The following OTUD7A variants were observed in gnomAD, a reference collection of about 807,000 sequenced individuals.
The protein encoded by OTUD7A is OTU deubiquitinase 7A.
OTUD7A carries 12 observed loss-of-function variants against 65.7 expected under a neutral mutation model. That is an observed-to-expected ratio of 0.18 (90% CI 0.12 to 0.30). The LOEUF (loss-of-function observed/expected upper bound fraction) is 0.30, where lower values mean the gene tolerates loss of function less well. OTUD7A is among the 10% of genes least tolerant of loss of function. The pLI is 1.00. For synonymous variants in OTUD7A, 641 were observed against 586.3 expected (o/e 1.09, Z -1.35); for missense variants, 1,148 against 1,304.8 (o/e 0.88, Z 1.85).
chr15:31,861,198 T>A (rs1897732588), intron 1 of OTUD7A, among the ~76,000 whole-genome samples: 1 of 152,080 alleles, frequency 6.6e-6, no homozygotes, highest in Non-Finnish European at 1.5e-5. Context: ...TCATTTCACA[T>A]GTTCAGTTAA....
At position 31,870,530 on chromosome 15, in the gene OTUD7A, C is replaced by A; in HGVS notation, c.-123G>T. The A allele has an allele frequency of 6.7e-6, 1 of 148,614 alleles. No individual in the cohort carries two copies. The highest frequency in any genetic ancestry group is 1.9e-4 in the South Asian group (1 of 5,366). 9.2% of individuals were successfully genotyped at this position (148,614 alleles called of 1,614,324 possible). Reference sequence around the variant, plus strand: ...ACCTGCCGCGCCGCGCCGCTCCGCTCCGCCAGCCCGCAGCGCCGCAGTCGC... The same window carrying A: ...ACCTGCCGCGCCGCGCCGCTCCGCTACGCCAGCCCGCAGCGCCGCAGTCGC... On this transcript the variant is annotated 5_prime_UTR_variant, in exon 1 of 13. Transcript: ENST00000307050.
chr15:31,663,670 T>TA (rs1892236591), intron 1 of OTUD7A, among the ~76,000 whole-genome samples: 1 of 152,170 alleles, frequency 6.6e-6, no homozygotes, highest in Non-Finnish European at 1.5e-5. Context: ...ACATTTTCTT[T>TA]AAAAAATTTT....
chr15:31,633,733 C>A (rs1360788557), intron 3 of OTUD7A, among the ~76,000 whole-genome samples: 1 of 152,148 alleles, frequency 6.6e-6, no homozygotes, highest in South Asian at 2.1e-4. Flanking sequence ...TCTAACCCAA[C>A]GAATTACAAC....
intron 3 of OTUD7A, among the ~76,000 whole-genome samples, chr15:31,610,615 A>T (rs866966459): frequency 0.072 from 2,327 of 32,450 alleles, 81 homozygotes; most frequent in African/African-American, 0.2. Context: ...ATATATATAT[A>T]TATTTTTTTT....
intron 1 of OTUD7A, among the ~76,000 whole-genome samples, chr15:31,791,549 C>T (rs775554853): frequency 9.2e-5 from 14 of 152,088 alleles, no homozygotes; most frequent in Admixed American, 2.6e-4. Flanking sequence ...ACTAAAGGGA[C>T]GCATGCGACA....
chr15:31,735,755 G>A (rs1263438038), intron 1 of OTUD7A, among the ~76,000 whole-genome samples: 1 of 152,112 alleles, frequency 6.6e-6, no homozygotes, highest in Non-Finnish European at 1.5e-5. Context: ...AAAGGCACAT[G>A]CACCTATATG....
intron 1 of OTUD7A, among the ~76,000 whole-genome samples, chr15:31,817,513 C>G (rs959722607): frequency 2.0e-5 from 3 of 152,150 alleles, no homozygotes; most frequent in Non-Finnish European, 4.4e-5. Flanking sequence ...GAATAAGTAT[C>G]TCTCCTTTGG....
intron 1 of OTUD7A, among the ~76,000 whole-genome samples, chr15:31,817,656 G>T (rs1464699300): frequency 8.5e-5 from 13 of 152,136 alleles, no homozygotes; most frequent in Non-Finnish European, 1.5e-5. Context: ...TGGGTTTTTG[G>T]TAAGTCCTGC....
intron 1 of OTUD7A, among the ~76,000 whole-genome samples, chr15:31,778,049 G>A (rs1470055611): frequency 2.0e-5 from 3 of 152,142 alleles, no homozygotes; most frequent in Admixed American, 2.0e-4. Context: ...GGTATCATCA[G>A]TCTCCAGAAG....
intron 1 of OTUD7A, among the ~76,000 whole-genome samples, chr15:31,717,561 G>A (rs1157683962): frequency 6.6e-6 from 1 of 152,160 alleles, no homozygotes; most frequent in African/African-American, 2.4e-5. Flanking sequence ...CCCTACAAAG[G>A]ACATGAACTC....
chr15:31,807,307 G>C (rs1178641477), intron 1 of OTUD7A, among the ~76,000 whole-genome samples: 2 of 152,114 alleles, frequency 1.3e-5, no homozygotes, highest in African/African-American at 2.4e-5. Context: ...CATCTCCCAA[G>C]AGACAGAGTC....
At chr15:31,724,459 G>A (rs1893828877) in intron 1 of OTUD7A, among the ~76,000 whole-genome samples, 1 of 152,200 alleles carries the variant, frequency 6.6e-6, no homozygotes, top group Non-Finnish European at 1.5e-5. Context: ...ATGACCAAGT[G>A]TTACTACACA....
chr15:31,759,486 T>C (rs1894902470), intron 1 of OTUD7A, among the ~76,000 whole-genome samples: 1 of 152,234 alleles, frequency 6.6e-6, no homozygotes, highest in Non-Finnish European at 1.5e-5. Flanking sequence ...GTCCTGCTTC[T>C]TTAACTGCCT....
At chr15:31,772,399 C>G (rs1895265405) in intron 1 of OTUD7A, among the ~76,000 whole-genome samples, 1 of 151,970 alleles carries the variant, frequency 6.6e-6, no homozygotes, top group Non-Finnish European at 1.5e-5. Context: ...TAATCCCTGA[C>G]AGATAGTTGG....
intron 3 of OTUD7A, among the ~76,000 whole-genome samples, chr15:31,643,425 A>G (rs1481953956): frequency 2.6e-5 from 4 of 152,108 alleles, no homozygotes; most frequent in Middle Eastern, 3.2e-3. Context: ...CCACTGAGTT[A>G]CTTTTTCATC....
chr15:31,737,223 A>T (rs1256468116), intron 1 of OTUD7A, among the ~76,000 whole-genome samples: 3 of 152,236 alleles, frequency 2.0e-5, no homozygotes, highest in East Asian at 3.8e-4. Context: ...AGACATTAAT[A>T]TACTTAGAAA....
At chr15:31,737,105 A>C (rs1894213380) in intron 1 of OTUD7A, among the ~76,000 whole-genome samples, 1 of 152,232 alleles carries the variant, frequency 6.6e-6, no homozygotes. Flanking sequence ...TACAGATGGC[A>C]TGAAGACCTT....
At chr15:31,768,740 G>A (rs950157920) in intron 1 of OTUD7A, among the ~76,000 whole-genome samples, 7 of 152,254 alleles carry the variant, frequency 4.6e-5, no homozygotes, top group Non-Finnish European at 7.4e-5. Context: ...CATAAAGGGG[G>A]TGAAGTAAAG....
In OTUD7A at chr15:31,559,158, C is replaced by T; in HGVS notation, c.361G>A (p.Ala121Thr). 3.1e-6 allele frequency: 5 copies of T among 1,613,760 alleles called. No individual in the cohort carries two copies. Among genetic ancestry groups the T allele is most frequent in the South Asian group, 1.1e-5 (1 of 91,056 alleles). The part of the protein sequence containing the change: ...EKRLSRGISH[A>T]SSAIVSLARS... ...GCCAGGGAGACGATGGCTGAGCTGGCGTGGGAAATCCCCCGGGAAAGCCGC... is the reference window on the plus strand; with the variant it reads ...GCCAGGGAGACGATGGCTGAGCTGGTGTGGGAAATCCCCCGGGAAAGCCGC... Residue 121 changes from alanine (A) to threonine (T), a missense_variant, in exon 5 of 13, where the codon GCC (alanine) becomes ACC (threonine). By Grantham distance (58) the Ala-to-Thr change is moderately conservative. Transcript: ENST00000307050.
Sources: allele counts gnomAD v4.1 joint callset (sites outside exome capture counted in the v4.1 genomes callset), GRCh38; gene constraint gnomAD v4.1.1; transcripts MANE v1.5; gene names NCBI Gene and HGNC (gene_info 2026-07-23, HGNC 2026-07-21).